FAF1: variants seen among roughly 807,000 people sequenced by gnomAD.
The protein encoded by FAF1 is FAS-associated factor 1.
A neutral mutation model predicts 92.5 loss-of-function variants in FAF1; 25 were observed. The observed-to-expected ratio is 0.27, with a 90% CI of 0.20 to 0.38. The LOEUF (loss-of-function observed/expected upper bound fraction) is 0.38. Among genes scored for constraint, FAF1 ranks in the 10% least tolerant of loss-of-function variants. The pLI, the probability that FAF1 is intolerant of heterozygous loss-of-function variation, is 1.00. For synonymous variants in FAF1, 234 were observed against 273.2 expected (o/e 0.86, Z 1.42); for missense variants, 636 against 793.3 (o/e 0.80, Z 2.38).
chr1:50,721,362 G>A (rs1324747385), intron 6 of FAF1, among the ~76,000 whole-genome samples: 7 of 151,752 alleles, frequency 4.6e-5, no homozygotes, highest in Admixed American at 1.3e-4. Context: ...CTACAGGCAC[G>A]CACCACTACG....
At chr1:50,490,384 AAAGGAAGG>A (rs199911582) in intron 17 of FAF1, among the ~76,000 whole-genome samples, 196 bp downstream of exon 17, 4,203 of 34,670 alleles carry the variant, frequency 0.12, 238 homozygotes, top group Admixed American at 0.17. Context: ...TCTATCTCAA[AAAGGAAGG>A]AAGGAAGGAA....
chr1:50,540,807 G>A (rs1195539464), intron 13 of FAF1, among the ~76,000 whole-genome samples: 2 of 152,130 alleles, frequency 1.3e-5, no homozygotes, highest in Non-Finnish European at 1.5e-5. Flanking sequence ...AATAAAGTCT[G>A]TAAAAATAAT....
At chr1:50,779,993 C>CAGACACACACACACACACACAT (rs199882037) in intron 4 of FAF1, among the ~76,000 whole-genome samples, 1 of 78,132 alleles carries the variant, frequency 1.3e-5, no homozygotes. Context: ...GACAGACAGA[C>CAGACACACACACACACACACAT]ACACACACAC....
intron 13 of FAF1, among the ~76,000 whole-genome samples, chr1:50,541,581 A>G (rs1226683171): frequency 1.3e-5 from 2 of 152,162 alleles, no homozygotes; most frequent in Non-Finnish European, 2.9e-5. Context: ...AAAGATGTCA[A>G]AAAAATAGTT....
chr1:50,490,493 A>G (rs12028387), intron 17 of FAF1, 95 bp downstream of exon 17: 24 of 111,770 alleles, frequency 2.1e-4, no homozygotes, highest in East Asian at 1.3e-3. Flanking sequence ...AAGGAAGGAA[A>G]GGAAGGAAGG....
At chr1:50,688,020 A>G (rs946672346) in intron 7 of FAF1, among the ~76,000 whole-genome samples, 3 of 151,882 alleles carry the variant, frequency 2.0e-5, no homozygotes, top group African/African-American at 7.3e-5. Flanking sequence ...CTGTAATCCC[A>G]GCTACTCGGG....
At chr1:50,845,379 C>T (rs1310055572) in intron 2 of FAF1, among the ~76,000 whole-genome samples, 1 of 152,144 alleles carries the variant, frequency 6.6e-6, no homozygotes, top group Non-Finnish European at 1.5e-5. Context: ...AACATGCAAA[C>T]GAGTGTTCAA....
chr1:50,584,692 A>C lies in FAF1; in HGVS notation c.960T>G (p.Ser320=). 13 of 1,613,308 alleles carry C rather than the reference A, an allele frequency of 8.1e-6. No individual in the cohort carries two copies. The highest frequency in any genetic ancestry group is 1.1e-5 in the Non-Finnish European group (13 of 1,179,508). The stretch of plus-strand genomic sequence containing the variant: ...AGAGCTATTAATACTCACTCATTGG[A>C]GATTTTCTCAAGGCAGATGACGCCA... ...FGMASSALRK[S]PMMPENAENE... Residue 320 remains serine, a synonymous_variant, in exon 10 of 19, where the codon TCT becomes TCG. Transcript: ENST00000396153.
intron 8 of FAF1, among the ~76,000 whole-genome samples, chr1:50,643,644 G>A (rs961759488): frequency 6.6e-6 from 1 of 152,178 alleles, no homozygotes; most frequent in East Asian, 1.9e-4. Context: ...CCAGGCTAGA[G>A]TGCAGTGGCA....
chr1:50,752,142 G>A (rs1659894270), intron 4 of FAF1, among the ~76,000 whole-genome samples: 1 of 152,054 alleles, frequency 6.6e-6, no homozygotes, highest in Non-Finnish European at 1.5e-5. Flanking sequence ...GCTAACTTTT[G>A]CATTTTTAGT....
intron 8 of FAF1, among the ~76,000 whole-genome samples, chr1:50,626,226 G>C (rs537480865): frequency 6.6e-6 from 1 of 152,220 alleles, no homozygotes; most frequent in South Asian, 2.1e-4. Context: ...TTAAGAATTG[G>C]AAACTGAGTT....
chr1:50,784,240 T>C (rs1336844411), intron 4 of FAF1, among the ~76,000 whole-genome samples: 1 of 152,050 alleles, frequency 6.6e-6, no homozygotes, highest in Non-Finnish European at 1.5e-5. Flanking sequence ...GAAATACAAC[T>C]ATCTTTGTTT....
intron 18 of FAF1, among the ~76,000 whole-genome samples, chr1:50,449,369 GAGGCAT>G (rs2148978290): frequency 6.6e-6 from 1 of 152,132 alleles, no homozygotes; most frequent in Admixed American, 6.5e-5. Context: ...TTTGTACTCT[GAGGCAT>G]ATTTATGGGC....
chr1:50,606,024 C>A (rs900819682), intron 8 of FAF1, among the ~76,000 whole-genome samples: 1 of 152,120 alleles, frequency 6.6e-6, no homozygotes, highest in South Asian at 2.1e-4. Context: ...GGAATAATAT[C>A]TTTGTTGACA....
chr1:50,566,076 T>G (rs889523870), intron 13 of FAF1, among the ~76,000 whole-genome samples: 1 of 152,096 alleles, frequency 6.6e-6, no homozygotes, highest in East Asian at 1.9e-4. Context: ...AACGAAGTCA[T>G]CTCATGAAAT....
chr1:50,901,495 A>C (rs1010777073), intron 1 of FAF1, among the ~76,000 whole-genome samples: 9 of 152,052 alleles, frequency 5.9e-5, no homozygotes, highest in Admixed American at 5.2e-4. Context: ...CAGGAGTTTG[A>C]GATCAGCCTG....
chr1:50,441,543 A>C lies in FAF1; in HGVS notation c.1870-20T>G. 1 of 1,446,644 alleles carries C rather than the reference A, an allele frequency of 6.9e-7. No homozygotes were observed. The highest frequency in any genetic ancestry group is 9.5e-7 in the Non-Finnish European group (1 of 1,056,384). The allele number at this position is 1,446,644 out of a possible 1,614,324, so 89.6% of individuals were successfully genotyped here. On this transcript the variant is annotated intron_variant, in intron 18 of 18. Coordinates refer to ENST00000396153, the MANE Select transcript of FAF1 (RefSeq NM_007051.3). ...AGTTACCTAAAAAGATGAAGAACAC[A>C]TATTCAAAAGACTGAAACAAGCACT...
intron 5 of FAF1, among the ~76,000 whole-genome samples, chr1:50,742,123 A>G (rs1659410083): frequency 6.6e-6 from 1 of 151,748 alleles, no homozygotes; most frequent in South Asian, 2.1e-4. Flanking sequence ...AGTCTGGAAA[A>G]CATAGCAAGA....
In FAF1 at chr1:50,788,044, C is replaced by T; in HGVS notation, c.323G>A (p.Arg108Lys). 6.2e-7 allele frequency: 1 copy of T among 1,614,160 alleles called. No homozygotes were observed. Residue 108 changes from arginine to lysine, a missense_variant, in exon 4 of 19, where the codon AGA (arginine) becomes AAA (lysine). Around this residue, in one of 2 missense-constraint regions of FAF1, gnomAD observed 317 missense variants for 342.4 expected, o/e 0.93. Coordinates refer to ENST00000396153, the MANE Select transcript of FAF1 (RefSeq NM_007051.3). ...AAGTACCACATCAACATTTCTGTCT[C>T]TGTATTCAACCCTGAAGTCCAGCAT... is the stretch of plus-strand genomic sequence containing the variant. ...PRMLDFRVEY[R>K]DRNVDVVLED...
Sources: gnomAD v4.1 joint callset for allele counts (sites outside exome capture counted in the v4.1 genomes callset) on GRCh38, gnomAD v4.1.1 for gene constraint, gnomAD v4.1.1 regional missense constraint, MANE v1.5 for transcripts, NCBI Gene and HGNC (gene_info 2026-07-23, HGNC 2026-07-21) for gene names.